The following CTNNA2 variants were observed in gnomAD, a reference collection of about 807,000 sequenced individuals.
CTNNA2 encodes the protein catenin alpha-2.
CTNNA2 carries 42 observed loss-of-function variants against 101.0 expected under a neutral mutation model. The observed-to-expected ratio is 0.42, with a 90% CI of 0.32 to 0.54. CTNNA2 has a LOEUF of 0.54. CTNNA2 is among the 20% of genes least tolerant of loss of function. CTNNA2 has a pLI of 0.14. For synonymous variants in CTNNA2, 450 were observed against 456.4 expected, an observed-to-expected ratio of 0.99 and a Z score of 0.18; for missense variants, 871 against 1,223.1, an observed-to-expected ratio of 0.71 and a Z score of 4.29.
intron 7 of CTNNA2, among the ~76,000 whole-genome samples, chr2:80,305,555 C>T (rs1012702231): frequency 1.3e-5 from 2 of 151,926 alleles, no homozygotes; most frequent in African/African-American, 2.4e-5. Flanking sequence ...GAAGCCTACC[C>T]GTCTCCATAC....
rs114970241 is a variant in CTNNA2 at position 79,297,268 on chromosome 2, A to C, written c.-405-15441A>C. Among the ~76,000 whole-genome samples the C allele has an allele frequency of 1.9e-3, 283 of 152,216 alleles. 3 individuals carry two copies. Among genetic ancestry groups the C allele is most frequent in the African/African-American group, 6.6e-3 (273 of 41,550 alleles). On this transcript the variant is annotated intron_variant, in intron 2 of 21. Transcript: ENST00000466387. Reference sequence around the variant, plus strand: ...TTTGAGAGACCTTTGTCCTCTGTTCATTTCAGCTACCCACATCCACTAACA... The same window carrying C: ...TTTGAGAGACCTTTGTCCTCTGTTCCTTTCAGCTACCCACATCCACTAACA...
At chr2:79,969,374 T>C (rs1184798077) in intron 7 of CTNNA2, among the ~76,000 whole-genome samples, 1 of 152,222 alleles carries the variant, frequency 6.6e-6, no homozygotes, top group African/African-American at 2.4e-5. Context: ...CAGCAAATTA[T>C]ATGCATTTGT....
At chr2:80,473,758 T>C (rs937158493) in intron 9 of CTNNA2, among the ~76,000 whole-genome samples, 2 of 152,194 alleles carry the variant, frequency 1.3e-5, no homozygotes, top group Non-Finnish European at 2.9e-5. Flanking sequence ...TGATCAAAAA[T>C]ATCTCTAGAG....
At chr2:79,307,180 A>T (rs1676266843) in intron 2 of CTNNA2, among the ~76,000 whole-genome samples, 1 of 152,160 alleles carries the variant, frequency 6.6e-6, no homozygotes, top group South Asian at 2.1e-4. Flanking sequence ...ATGTATAGGG[A>T]TCAGATCAGG....
intron 1 of CTNNA2, among the ~76,000 whole-genome samples, chr2:79,586,944 T>G (rs1215406027): frequency 6.6e-6 from 1 of 152,172 alleles, no homozygotes; most frequent in African/African-American, 2.4e-5. Flanking sequence ...GCTGAGTTAC[T>G]TCACTTAAAA....
chr2:79,783,306 A>G (rs1304182280), intron 3 of CTNNA2, among the ~76,000 whole-genome samples: 4 of 152,212 alleles, frequency 2.6e-5, no homozygotes, highest in African/African-American at 7.2e-5. Flanking sequence ...ATGGCAATAA[A>G]TAATGAGACA....
At chr2:79,379,356 G>A (rs935442606) in intron 4 of CTNNA2, among the ~76,000 whole-genome samples, 1 of 152,002 alleles carries the variant, frequency 6.6e-6, no homozygotes, top group African/African-American at 2.4e-5. Flanking sequence ...TGTTTTTTGA[G>A]CTGAAATACA....
At chr2:79,525,912 T>C (rs1216967407) in intron 1 of CTNNA2, among the ~76,000 whole-genome samples, 2 of 152,174 alleles carry the variant, frequency 1.3e-5, no homozygotes, top group East Asian at 3.9e-4. Context: ...TTTTCTGTTC[T>C]AGTTTGCTTG....
intron 2 of CTNNA2, among the ~76,000 whole-genome samples, chr2:79,296,021 T>A (rs561353297): frequency 6.6e-6 from 1 of 152,236 alleles, no homozygotes; most frequent in East Asian, 1.9e-4. Flanking sequence ...TATTCTCTTC[T>A]TTTTTCTGCC....
intron 3 of CTNNA2, among the ~76,000 whole-genome samples, chr2:79,784,871 A>G (rs907083610): frequency 6.6e-6 from 1 of 152,172 alleles, no homozygotes; most frequent in Non-Finnish European, 1.5e-5. Context: ...AAGGAAAAAA[A>G]CAGGCGAAAC....
At chr2:79,736,064 T>A (rs1185934329) in intron 2 of CTNNA2, among the ~76,000 whole-genome samples, 1 of 152,198 alleles carries the variant, frequency 6.6e-6, no homozygotes, top group Non-Finnish European at 1.5e-5. Flanking sequence ...TGTAGTAGTT[T>A]CTATTGTAGT....
chr2:79,637,848 C>A (rs951749086), intron 1 of CTNNA2, among the ~76,000 whole-genome samples: 1 of 152,134 alleles, frequency 6.6e-6, no homozygotes, highest in Non-Finnish European at 1.5e-5. Context: ...ATTCCATTAA[C>A]CTTGGAAAAG....
intron 6 of CTNNA2, among the ~76,000 whole-genome samples, chr2:79,890,896 C>G (rs1013005193): frequency 5.6e-5 from 8 of 142,908 alleles, no homozygotes; most frequent in Non-Finnish European, 1.2e-4. Flanking sequence ...TGTGTCATCA[C>G]ATGGTGGAAG....
intron 1 of CTNNA2, among the ~76,000 whole-genome samples, chr2:79,617,487 TTTG>T (rs1047941290): frequency 3.9e-5 from 6 of 152,210 alleles, no homozygotes; most frequent in South Asian, 2.1e-4. Flanking sequence ...TTCTCTCTGG[TTTG>T]TTATTTATCC....
intron 2 of CTNNA2, among the ~76,000 whole-genome samples, chr2:79,720,828 G>A (rs1686434172): frequency 6.6e-6 from 1 of 152,070 alleles, no homozygotes; most frequent in Non-Finnish European, 1.5e-5. Flanking sequence ...AGGGAAGATA[G>A]TTTTATTTCT....
chr2:79,682,470 A>C (rs1237854862), intron 2 of CTNNA2, among the ~76,000 whole-genome samples: 1 of 151,824 alleles, frequency 6.6e-6, no homozygotes, highest in Admixed American at 6.6e-5. Flanking sequence ...GGTTTGAAGT[A>C]ATGTGGTTCC....
chr2:80,632,219 G>C (rs546028616), intron 18 of CTNNA2, among the ~76,000 whole-genome samples: 7 of 151,770 alleles, frequency 4.6e-5, no homozygotes, highest in African/African-American at 1.7e-4. Flanking sequence ...TGGGCAAGAA[G>C]CTACTTATTC....
intron 8 of CTNNA2, among the ~76,000 whole-genome samples, chr2:80,405,183 C>T (rs1037720896): frequency 1.3e-5 from 2 of 152,192 alleles, no homozygotes; most frequent in African/African-American, 4.8e-5. Flanking sequence ...AAGCTGTCCA[C>T]TAAGACTGAC....
chr2:79,677,866 A>T (rs963375564), intron 2 of CTNNA2, among the ~76,000 whole-genome samples: 3 of 152,268 alleles, frequency 2.0e-5, no homozygotes, highest in African/African-American at 7.2e-5. Flanking sequence ...TTCAGGAGAC[A>T]CTGTGTGGAC....
Sources: allele counts gnomAD v4.1 joint callset (sites outside exome capture counted in the v4.1 genomes callset), GRCh38; gene constraint gnomAD v4.1.1; transcripts MANE v1.5; gene names NCBI Gene and HGNC (gene_info 2026-07-23, HGNC 2026-07-21).